The following NAALADL2 variants were observed in gnomAD, a reference collection of about 807,000 sequenced individuals.
NAALADL2 encodes inactive N-acetylated-alpha-linked acidic dipeptidase-like protein 2.
In NAALADL2, 76 loss-of-function variants were observed where a neutral mutation model predicts 87.2. The observed-to-expected ratio is 0.87, with a 90% CI of 0.72 to 1.05. The LOEUF (loss-of-function observed/expected upper bound fraction) is 1.05, where lower values mean the gene tolerates loss of function less well. Among genes scored for constraint, NAALADL2 ranks in the 50% least tolerant of loss-of-function variants. NAALADL2 has a pLI of 0.00. For synonymous variants in NAALADL2, 354 were observed against 331.0 expected, an observed-to-expected ratio of 1.07 and a Z score of -0.75; for missense variants, 1,089 against 945.8, an observed-to-expected ratio of 1.15 and a Z score of -1.99.
intron 2 of NAALADL2, among the ~76,000 whole-genome samples, chr3:175,207,984 G>C (rs1741194173): frequency 1.3e-5 from 2 of 152,082 alleles, no homozygotes; most frequent in African/African-American, 4.8e-5. Flanking sequence ...GGGCATAAAA[G>C]CTCTTATTGG....
chr3:175,665,273 C>G (rs1732803642), intron 11 of NAALADL2, among the ~76,000 whole-genome samples: 2 of 152,180 alleles, frequency 1.3e-5, no homozygotes, highest in African/African-American at 4.8e-5. Flanking sequence ...TTGTCAACAT[C>G]TAAACATTCA....
intron 5 of NAALADL2, among the ~76,000 whole-genome samples, chr3:175,362,421 G>A (rs112756106): frequency 0.018 from 2,598 of 147,922 alleles, 223 homozygotes; most frequent in African/African-American, 0.055. Flanking sequence ...TGGTAGCTTG[G>A]TGGGGATGGC....
intron 3 of NAALADL2, among the ~76,000 whole-genome samples, chr3:174,798,838 T>A (rs1356844953): frequency 6.6e-6 from 1 of 152,124 alleles, no homozygotes; most frequent in Non-Finnish European, 1.5e-5. Flanking sequence ...TCCTATGGAT[T>A]TTTTTATATG....
chr3:175,466,315 T>G (rs1391172547), intron 7 of NAALADL2, among the ~76,000 whole-genome samples: 1 of 152,176 alleles, frequency 6.6e-6, no homozygotes, highest in Non-Finnish European at 1.5e-5. Flanking sequence ...TTATTGAAAA[T>G]ATTCAGTAAT....
intron 1 of NAALADL2, among the ~76,000 whole-genome samples, chr3:174,909,262 C>T (rs962077860): frequency 4.0e-5 from 6 of 151,898 alleles, no homozygotes; most frequent in Non-Finnish European, 7.4e-5. Context: ...GGCATGGTGA[C>T]GGGTGCCTGT....
chr3:174,942,468 T>C (rs571552496), intron 1 of NAALADL2, among the ~76,000 whole-genome samples: 2 of 152,296 alleles, frequency 1.3e-5, no homozygotes, highest in South Asian at 4.1e-4. Context: ...TTTAACGTTC[T>C]TTCTTTCATT....
At chr3:174,652,170 G>T (rs1255729765) in intron 2 of NAALADL2, among the ~76,000 whole-genome samples, 1 of 152,198 alleles carries the variant, frequency 6.6e-6, no homozygotes, top group African/African-American at 2.4e-5. Flanking sequence ...ATGGCTGGGA[G>T]AACACAATGG....
upstream of NAALADL2, among the ~76,000 whole-genome samples, chr3:174,856,753 C>G (rs1003435834): frequency 6.6e-6 from 1 of 152,110 alleles, no homozygotes; most frequent in Non-Finnish European, 1.5e-5. Context: ...TTTCCAAGAT[C>G]TACTGTAAGA....
intron 2 of NAALADL2, among the ~76,000 whole-genome samples, chr3:175,216,059 A>G (rs1371284227): frequency 6.6e-6 from 1 of 152,162 alleles, no homozygotes; most frequent in African/African-American, 2.4e-5. Flanking sequence ...TCCAAAGATA[A>G]CTTAAATGCA....
intron 1 of NAALADL2, among the ~76,000 whole-genome samples, chr3:174,955,279 T>C (rs1177262679): frequency 6.6e-6 from 1 of 152,134 alleles, no homozygotes; most frequent in African/African-American, 2.4e-5. Flanking sequence ...CCAATTTCCA[T>C]AGTTATTTTA....
chr3:175,662,008 T>C (rs1338483266), intron 11 of NAALADL2, among the ~76,000 whole-genome samples: 1 of 152,078 alleles, frequency 6.6e-6, no homozygotes, highest in African/African-American at 2.4e-5. Flanking sequence ...CATTTTATAA[T>C]TGCTTTTTCT....
At chr3:174,690,255 A>G (rs1465138797) in intron 2 of NAALADL2, among the ~76,000 whole-genome samples, 4 of 152,218 alleles carry the variant, frequency 2.6e-5, no homozygotes, top group Admixed American at 1.3e-4. Flanking sequence ...AGACGATCAT[A>G]TACTGTAAAG....
chr3:175,764,196 A>C (rs1748385014), intron 13 of NAALADL2, among the ~76,000 whole-genome samples: 1 of 151,806 alleles, frequency 6.6e-6, no homozygotes, highest in Non-Finnish European at 1.5e-5. Flanking sequence ...ATTATGGTCC[A>C]GTATCCCATT....
chr3:174,669,152 T>G (rs587705), intron 2 of NAALADL2, among the ~76,000 whole-genome samples: 96,733 of 151,798 alleles, frequency 0.64, 31,552 homozygotes, highest in Admixed American at 0.72. Context: ...GTTTTGATTT[T>G]CATTTCTCTG....
At chr3:175,402,622 C>T (rs575153820) in intron 5 of NAALADL2, among the ~76,000 whole-genome samples, 4 of 152,070 alleles carry the variant, frequency 2.6e-5, no homozygotes, top group African/African-American at 9.6e-5. Context: ...TTGTAGTCTC[C>T]ATAGATGTCA....
chr3:175,510,847 A>G (rs1731050585), intron 9 of NAALADL2, among the ~76,000 whole-genome samples: 1 of 152,176 alleles, frequency 6.6e-6, no homozygotes, highest in Non-Finnish European at 1.5e-5. Context: ...AGTCAGGATG[A>G]TAGAACTACC....
At chr3:175,793,361 T>C (rs1004333798) in intron 13 of NAALADL2, among the ~76,000 whole-genome samples, 2 of 147,246 alleles carry the variant, frequency 1.4e-5, no homozygotes, top group Non-Finnish European at 1.5e-5. Context: ...TGGGCTGGAG[T>C]GTAGTGGGCA....
At chr3:174,764,183 G>T (rs1713467807) in intron 3 of NAALADL2, among the ~76,000 whole-genome samples, 1 of 152,218 alleles carries the variant, frequency 6.6e-6, no homozygotes, top group Non-Finnish European at 1.5e-5. Context: ...CTCACATGCT[G>T]GGTGCTGAGT....
intron 11 of NAALADL2, among the ~76,000 whole-genome samples, chr3:175,726,646 C>T (rs1437069465): frequency 1.3e-5 from 2 of 152,110 alleles, no homozygotes; most frequent in Non-Finnish European, 2.9e-5. Flanking sequence ...TTTCTATTGG[C>T]GGTCTTGTCT....
Sources: gnomAD v4.1 joint callset for allele counts (sites outside exome capture counted in the v4.1 genomes callset) on GRCh38, gnomAD v4.1.1 for gene constraint, MANE v1.5 for transcripts, NCBI Gene and HGNC (gene_info 2026-07-23, HGNC 2026-07-21) for gene names.